GLB1L3: variants seen among roughly 807,000 people sequenced by gnomAD.
GLB1L3 encodes the protein beta-galactosidase-1-like protein 3.
A neutral mutation model predicts 89.5 loss-of-function variants in GLB1L3; 89 were observed. The ratio of observed to expected loss-of-function variants is 0.99; its 90% CI spans 0.84 to 1.19. The LOEUF (loss-of-function observed/expected upper bound fraction) is 1.19. GLB1L3 is among the 50% of genes most tolerant of loss of function. The probability of loss-of-function intolerance (pLI) is 0.00; values close to 1 mark genes in which losing one functional copy is unlikely to be tolerated. For synonymous variants in GLB1L3, 314 were observed against 312.3 expected (o/e 1.01, Z -0.06); for missense variants, 812 against 813.3 (o/e 1.00, Z 0.02).
chr11:134,308,676 A>ACACCACCACCACCACCACCAC (rs1555080638), intron 10 of GLB1L3, among the ~76,000 whole-genome samples: 2 of 116,152 alleles, frequency 1.7e-5, no homozygotes, highest in African/African-American at 3.1e-5. Flanking sequence ...ACCACCACCA[A>ACACCACCACCACCACCACCAC]CACCACCACC....
chr11:134,310,549 G>C, intron 11 of GLB1L3, 22 bp from the exon 12 acceptor site: 2 of 1,597,584 alleles, frequency 1.3e-6, no homozygotes, highest in Non-Finnish European at 1.7e-6. Context: ...CATGGCTGGT[G>C]ACTGGCCCTG....
At position 134,318,970 on chromosome 11, in the gene GLB1L3, T is replaced by TG. The variant is rs768619382; in HGVS notation, c.*28_*29insG. The TG allele has an allele frequency of 2.5e-6, 4 of 1,577,972 alleles. No individual in the cohort carries two copies. The South Asian group carries it at 3.3e-5, about 13-fold the overall frequency. On this transcript the variant is annotated 3_prime_UTR_variant, in exon 20 of 20. Coordinates refer to ENST00000431683, the MANE Select transcript of GLB1L3 (RefSeq NM_001080407.3). ...CTGTGTCTGAACATTTTTTTTTTTT[T>TG]TTGAGATGGAGTCTCACTTTGTCGC...
intron 1 of GLB1L3, 45 bp downstream of exon 1, chr11:134,276,808 G>T: frequency 7.3e-7 from 1 of 1,364,298 alleles, no homozygotes; most frequent in Non-Finnish European, 9.5e-7. Flanking sequence ...CCACCCCGGC[G>T]CGTGCCCGGG....
downstream of GLB1L3, among the ~76,000 whole-genome samples, chr11:134,321,161 T>A (rs1203137817): frequency 6.6e-6 from 1 of 152,168 alleles, no homozygotes; most frequent in Non-Finnish European, 1.5e-5. Context: ...CATAAAACTC[T>A]AAGACCAGGC....
intron 9 of GLB1L3, among the ~76,000 whole-genome samples, chr11:134,300,728 G>T (rs1344223793): frequency 2.6e-5 from 4 of 152,126 alleles, no homozygotes; most frequent in African/African-American, 9.7e-5. Flanking sequence ...ACGTGCCCTC[G>T]CATGGTCTTT....
At chr11:134,291,726 G>C (rs1565398051) in intron 7 of GLB1L3, among the ~76,000 whole-genome samples, 1 of 152,184 alleles carries the variant, frequency 6.6e-6, no homozygotes, top group Non-Finnish European at 1.5e-5. Flanking sequence ...TGTAATCTGA[G>C]TGCTTTGGGA....
At chr11:134,308,483 C>CCACCATCAT (rs1942483203) in intron 10 of GLB1L3, among the ~76,000 whole-genome samples, 1 of 9,218 alleles carries the variant, frequency 1.1e-4, no homozygotes, top group Admixed American at 1.2e-3. Context: ...AATACCACCA[C>CCACCATCAT]CACCATCACC....
At chr11:134,280,311 A>G (rs976888596) in intron 3 of GLB1L3, among the ~76,000 whole-genome samples, 3 of 152,130 alleles carry the variant, frequency 2.0e-5, no homozygotes, top group African/African-American at 7.2e-5. Flanking sequence ...ACATGCCAAT[A>G]TTTTACAACT....
At chr11:134,310,062 A>G (rs1942647611) in intron 11 of GLB1L3, 1 of 459,304 alleles carries the variant, frequency 2.2e-6, no homozygotes, top group Admixed American at 3.5e-5. Context: ...CTGTAAAGGC[A>G]CAGACCTGCA....
intron 18 of GLB1L3, among the ~76,000 whole-genome samples, chr11:134,315,734 C>T (rs909271203): frequency 6.6e-6 from 1 of 152,096 alleles, no homozygotes; most frequent in Non-Finnish European, 1.5e-5. Context: ...GTTCAAAGTA[C>T]AGTGTTTGGC....
chr11:134,302,527 A>G (rs1941998669), intron 9 of GLB1L3, among the ~76,000 whole-genome samples: 1 of 152,200 alleles, frequency 6.6e-6, no homozygotes, highest in Admixed American at 6.5e-5. Flanking sequence ...AATAAGAAAA[A>G]TCTAATGATC....
In GLB1L3 at chr11:134,311,074, G is replaced by T. The variant is rs1472947466; in HGVS notation, c.1191G>T (p.Leu397=). 1 of 1,613,650 alleles carries T rather than the reference G, an allele frequency of 6.2e-7. No homozygotes were observed. The highest frequency in any genetic ancestry group is 1.1e-5 in the South Asian group (1 of 91,034). ...CCATCTCCATTGCAGCAACTCCCCT[G>T]CCCCGAGTACCCAAACTTCCTCCCA... ...KLFQSVSATP[L]PRVPKLPPKA... is the part of the protein sequence containing the mutation. Residue 397 remains leucine (L), a synonymous_variant, in exon 13 of 20, where the codon CTG becomes CTT. Transcript: ENST00000431683.
At chr11:134,299,844 C>T (rs909012040) in intron 9 of GLB1L3, among the ~76,000 whole-genome samples, 4 of 152,146 alleles carry the variant, frequency 2.6e-5, no homozygotes, top group Non-Finnish European at 5.9e-5. Context: ...CAGATCTGAT[C>T]CTAGCATGTG....
intron 7 of GLB1L3, among the ~76,000 whole-genome samples, chr11:134,290,749 G>A (rs1417504363): frequency 6.6e-6 from 1 of 152,058 alleles, no homozygotes; most frequent in Non-Finnish European, 1.5e-5. Context: ...AGCCATGGCA[G>A]GCTTCCTTGT....
chr11:134,324,630 T>A, the GLB1L3 span, among the ~76,000 whole-genome samples: 1 of 152,190 alleles, frequency 6.6e-6, no homozygotes, highest in Non-Finnish European at 1.5e-5. Flanking sequence ...TGAAAATGAT[T>A]TATCATAGAT....
chr11:134,308,903 A>G (rs916112284), intron 10 of GLB1L3, among the ~76,000 whole-genome samples: 1 of 152,092 alleles, frequency 6.6e-6, no homozygotes, highest in African/African-American at 2.4e-5. Flanking sequence ...ATTGACTCCC[A>G]CTCTAAATGA....
intron 9 of GLB1L3, among the ~76,000 whole-genome samples, chr11:134,299,043 T>C (rs1230702352): frequency 6.6e-6 from 1 of 152,208 alleles, no homozygotes; most frequent in African/African-American, 2.4e-5. Flanking sequence ...TAATTTCTAC[T>C]GACTTATCTT....
the GLB1L3 span, among the ~76,000 whole-genome samples, chr11:134,324,891 A>C: frequency 2.2e-4 from 33 of 152,150 alleles, no homozygotes; most frequent in African/African-American, 7.7e-4. Context: ...ATATATATTT[A>C]TTACTTATAC....
Position 134,277,397 on chromosome 11 carries a change from G to T in GLB1L3, c.95G>T (p.Arg32Leu), listed in dbSNP as rs747016662. The change falls in exon 2 of 20, where the codon CGG (arginine) becomes CTG (leucine). Residue 32 changes from arginine (R) to leucine (L), a missense_variant. By Grantham distance (102) the Arg-to-Leu change is moderately radical. Coordinates refer to ENST00000431683, the MANE Select transcript of GLB1L3 (RefSeq NM_001080407.3). Reference protein sequence around the residue: ...LPFISSGFAPRFKQEENFMLG... With the variant: ...LPFISSGFAPLFKQEENFMLG... Reference sequence around the variant, plus strand: ...TTTATCTCATCAGGTTTTGCTCCTCGGTTTAAGCAGGAAGAGAACTTCATG... The same window carrying T: ...TTTATCTCATCAGGTTTTGCTCCTCTGTTTAAGCAGGAAGAGAACTTCATG... 3 of 1,613,886 alleles carry T rather than the reference G, an allele frequency of 1.9e-6. No individual in the cohort carries two copies. The highest frequency in any genetic ancestry group is 2.5e-6 in the Non-Finnish European group (3 of 1,179,876).
Sources: allele counts gnomAD v4.1 joint callset (sites outside exome capture counted in the v4.1 genomes callset), GRCh38; gene constraint gnomAD v4.1.1; transcripts MANE v1.5; gene names NCBI Gene and HGNC (gene_info 2026-07-23, HGNC 2026-07-21).